Variants in ERICH6B observed in about 807,000 individuals in gnomAD.
The protein encoded by ERICH6B is glutamate rich 6B.
ERICH6B carries 69 observed loss-of-function variants against 80.0 expected under a neutral mutation model. The ratio of observed to expected loss-of-function variants is 0.86; its 90% confidence interval spans 0.71 to 1.05. The LOEUF is 1.05. ERICH6B is among the 50% of genes least tolerant of loss of function. The probability of loss-of-function intolerance (pLI) is 0.00; values close to 1 mark genes in which losing one functional copy is unlikely to be tolerated. For missense variants in ERICH6B, 754 were observed against 796.1 expected (o/e 0.95, Z 0.64); for synonymous variants, 283 against 291.9 (o/e 0.97, Z 0.31).
intron 6 of ERICH6B, 132 bp from the exon 7 acceptor site, chr13:45,580,106 G>C (rs537501844): frequency 5.4e-6 from 4 of 742,784 alleles, no homozygotes; most frequent in Non-Finnish European, 8.8e-6. Context: ...GAGTGCCTGT[G>C]TTTTGGGATA....
At chr13:45,579,835 C>G (rs1875580803) in intron 7 of ERICH6B, 98 bp downstream of exon 7, 1 of 1,214,084 alleles carries the variant, frequency 8.2e-7, no homozygotes, top group Non-Finnish European at 1.2e-6. Flanking sequence ...CTGGGTCATG[C>G]TGGATCAGAG....
intron 3 of ERICH6B, among the ~76,000 whole-genome samples, chr13:45,595,671 TTCTC>T (rs1371761773): frequency 2.0e-5 from 3 of 149,784 alleles, no homozygotes; most frequent in Admixed American, 6.6e-5. Flanking sequence ...TCTTTCCTTC[TTCTC>T]TCTCTTTTTT....
chr13:45,551,924 C>T (rs1317028732), intron 11 of ERICH6B, among the ~76,000 whole-genome samples: 1 of 152,130 alleles, frequency 6.6e-6, no homozygotes, highest in African/African-American at 2.4e-5. Context: ...AATTTCTGTT[C>T]ATTGTAAACT....
intron 5 of ERICH6B, among the ~76,000 whole-genome samples, chr13:45,584,049 A>G (rs1875792600): frequency 6.6e-6 from 1 of 152,194 alleles, no homozygotes; most frequent in Non-Finnish European, 1.5e-5. Context: ...ATACCCTTTT[A>G]TCACCATGAT....
chr13:45,611,499 T>C (rs1007628652), intron 1 of ERICH6B, among the ~76,000 whole-genome samples: 27 of 152,358 alleles, frequency 1.8e-4, no homozygotes, highest in Admixed American at 1.1e-3. Context: ...GGAAGCACAG[T>C]GCAACTAATG....
chr13:45,556,716 C>A (rs1472631159), intron 11 of ERICH6B, among the ~76,000 whole-genome samples: 1 of 152,070 alleles, frequency 6.6e-6, no homozygotes, highest in Non-Finnish European at 1.5e-5. Context: ...CAGGTTGCTG[C>A]AAATACCATT....
intron 13 of ERICH6B, 140 bp downstream of exon 13, chr13:45,549,753 G>C: frequency 2.1e-6 from 2 of 932,808 alleles, no homozygotes; most frequent in Admixed American, 2.8e-5. Context: ...TCATGGACTG[G>C]TCCATCATGG....
intron 11 of ERICH6B, among the ~76,000 whole-genome samples, chr13:45,560,062 TA>T (rs1297128499): frequency 1.3e-5 from 2 of 152,206 alleles, no homozygotes; most frequent in African/African-American, 4.8e-5. Flanking sequence ...GCTCCAATGT[TA>T]GGTGCATATA....
In ERICH6B at chr13:45,596,551, A is replaced by G. The variant is rs757644433; in HGVS notation, c.455T>C (p.Ile152Thr). The change falls in exon 3 of 15, where the codon ATT (isoleucine) becomes ACT (threonine). Residue 152 changes from isoleucine (I) to threonine (T), a missense_variant. Coordinates refer to ENST00000298738, the MANE Select transcript of ERICH6B (RefSeq NM_182542.3). ...KEGYLEKEDY[I>T]EEVDYLGKKA... ...CTTCCCCAGATAATCTACCTCCTCA[A>G]TATAATCTTCCTTCTCCAGATACCC... 2 of 1,550,994 alleles carry G rather than the reference A, an allele frequency of 1.3e-6. No individual in the cohort carries two copies. The highest frequency in any genetic ancestry group is 2.4e-5 in the South Asian group (2 of 83,996).
chr13:45,544,650 T>G, intron 14 of ERICH6B, 110 bp downstream of exon 14: 5 of 861,026 alleles, frequency 5.8e-6, no homozygotes, highest in Admixed American at 2.6e-5. Flanking sequence ...CGGGTTGGCA[T>G]ATATAGAACA....
intron 3 of ERICH6B, among the ~76,000 whole-genome samples, chr13:45,594,535 G>A (rs1297172152): frequency 6.6e-6 from 1 of 152,206 alleles, no homozygotes; most frequent in East Asian, 1.9e-4. Flanking sequence ...AGGATTCCAA[G>A]AGAGAGCTTA....
chr13:45,603,794 A>T (rs1949840678), intron 2 of ERICH6B, among the ~76,000 whole-genome samples: 1 of 151,958 alleles, frequency 6.6e-6, no homozygotes, highest in Non-Finnish European at 1.5e-5. Flanking sequence ...TCACCATCTA[A>T]TGTACCAAGT....
intron 2 of ERICH6B, among the ~76,000 whole-genome samples, chr13:45,602,960 G>A (rs953041775): frequency 7.9e-5 from 12 of 152,196 alleles, no homozygotes; most frequent in East Asian, 1.9e-4. Flanking sequence ...TTTGGAGGCC[G>A]AGAAGCCCCA....
chr13:45,601,794 A>G (rs1261202741), intron 2 of ERICH6B, among the ~76,000 whole-genome samples: 1 of 152,216 alleles, frequency 6.6e-6, no homozygotes, highest in African/African-American at 2.4e-5. Context: ...GGTGGAATAA[A>G]TAGTAATGGC....
chr13:45,615,357 T>C (rs1566310749), intron 1 of ERICH6B, among the ~76,000 whole-genome samples: 1 of 152,054 alleles, frequency 6.6e-6, no homozygotes, highest in African/African-American at 2.4e-5. Context: ...CACTCGCACT[T>C]CCCCCCAGAG....
At position 45,561,358 on chromosome 13, in the gene ERICH6B, G is replaced by T. The variant is rs1360477003; in HGVS notation, c.1407+11C>A. Reference sequence around the variant, plus strand: ...GCAAAGTAAAAAACAGCAATGTACTGTCCCTCTTACCACTGTCTTCTTCTG... The same window carrying T: ...GCAAAGTAAAAAACAGCAATGTACTTTCCCTCTTACCACTGTCTTCTTCTG... On this transcript the variant is annotated intron_variant, in intron 11 of 14. Coordinates refer to ENST00000298738, the MANE Select transcript of ERICH6B (RefSeq NM_182542.3). 6.4e-7 allele frequency: 1 copy of T among 1,551,180 alleles called. No individual in the cohort carries two copies. Among genetic ancestry groups the T allele is most frequent in the Non-Finnish European group, 8.7e-7 (1 of 1,146,554 alleles).
intron 11 of ERICH6B, 41 bp downstream of exon 11, chr13:45,561,328 C>G (rs1412088858): frequency 6.5e-7 from 1 of 1,536,028 alleles, no homozygotes; most frequent in East Asian, 2.5e-5. Flanking sequence ...CAAAAAAAAT[C>G]CTGTGCAAAG....
At chr13:45,607,255 C>T (rs1271010003) in intron 2 of ERICH6B, among the ~76,000 whole-genome samples, 3 of 152,126 alleles carry the variant, frequency 2.0e-5, no homozygotes, top group Admixed American at 1.3e-4. Context: ...GTTCTCAGAA[C>T]TTTTTGTATT....
Position 45,545,293 on chromosome 13 carries a change from T to G in ERICH6B, c.1647-308A>C, listed in dbSNP as rs373777073. On this transcript the variant is annotated intron_variant, in intron 13 of 14. Transcript: ENST00000298738. ...CAAAGTTCCCCTGCCCCAGGTGGCA[T>G]GGCTGGTGTCTACTTATCCTCTAGG... Among the ~76,000 whole-genome samples, 25 of 152,212 alleles carry G rather than the reference T, an allele frequency of 1.6e-4. 1 individual carries two copies. The highest frequency in any genetic ancestry group is 1.6e-3 in the Admixed American group (24 of 15,286).
Sources: allele counts gnomAD v4.1 joint callset (sites outside exome capture counted in the v4.1 genomes callset), GRCh38; gene constraint gnomAD v4.1.1; transcripts MANE v1.5; gene names NCBI Gene and HGNC (gene_info 2026-07-23, HGNC 2026-07-21).